The following CDH13 variants were observed in gnomAD, a reference collection of about 807,000 sequenced individuals.
CDH13 encodes cadherin 13.
A neutral mutation model predicts 63.8 loss-of-function variants in CDH13; 24 were observed. That is an observed-to-expected ratio of 0.38 (90% CI 0.27 to 0.53). The LOEUF is 0.53. CDH13 is among the 20% of genes least tolerant of loss of function. The probability of loss-of-function intolerance (pLI) is 0.85; values close to 1 mark genes in which losing one functional copy is unlikely to be tolerated. For synonymous variants in CDH13, 503 were observed against 355.3 expected (o/e 1.42, Z -4.67); for missense variants, 1,049 against 903.1 (o/e 1.16, Z -2.07).
chr16:82,915,748 G>C (rs2041966492), intron 2 of CDH13, among the ~76,000 whole-genome samples: 1 of 151,510 alleles, frequency 6.6e-6, no homozygotes, highest in South Asian at 2.1e-4. Flanking sequence ...TCCTTGTAAA[G>C]CTGATTCTTC....
chr16:82,679,937 C>T (rs972179827), intron 1 of CDH13, among the ~76,000 whole-genome samples: 5 of 152,140 alleles, frequency 3.3e-5, no homozygotes, highest in African/African-American at 1.2e-4. Flanking sequence ...CCACAGGAAA[C>T]CTTCAGTATA....
intron 2 of CDH13, among the ~76,000 whole-genome samples, chr16:82,984,648 A>G (rs1369394558): frequency 1.3e-5 from 2 of 152,212 alleles, no homozygotes; most frequent in Non-Finnish European, 2.9e-5. Context: ...AGGTTCAGCT[A>G]TGATTCCCGC....
At chr16:82,635,339 C>G (rs955515238) in intron 1 of CDH13, among the ~76,000 whole-genome samples, 7 of 152,192 alleles carry the variant, frequency 4.6e-5, no homozygotes, top group African/African-American at 1.4e-4. Context: ...GTAGGGCTTA[C>G]AGACAAAGAC....
intron 3 of CDH13, among the ~76,000 whole-genome samples, chr16:83,110,932 C>G (rs72798368): frequency 0.11 from 14,958 of 142,248 alleles, 860 homozygotes; most frequent in African/African-American, 0.16. Flanking sequence ...ATGCCTGGTC[C>G]GTGGAAAATG....
chr16:83,557,677 G>A (rs2075630658), intron 7 of CDH13, among the ~76,000 whole-genome samples: 1 of 152,106 alleles, frequency 6.6e-6, no homozygotes, highest in South Asian at 2.1e-4. Context: ...ACTGGGAGGT[G>A]TCTCAGCAGG....
intron 3 of CDH13, among the ~76,000 whole-genome samples, chr16:83,121,157 C>G (rs1209754265): frequency 6.6e-6 from 1 of 152,172 alleles, no homozygotes; most frequent in African/African-American, 2.4e-5. Context: ...CTGTCTTATA[C>G]AGAATCTAGT....
At chr16:83,588,064 G>A (rs186634960) in intron 7 of CDH13, among the ~76,000 whole-genome samples, 292 of 152,174 alleles carry the variant, frequency 1.9e-3, no homozygotes, top group Non-Finnish European at 3.1e-3. Context: ...GCTGGCCTAG[G>A]GCTGAGCCTG....
chr16:82,797,799 G>GTGTGTGTGTC (rs2036660725), intron 1 of CDH13, among the ~76,000 whole-genome samples: 1 of 151,396 alleles, frequency 6.6e-6, no homozygotes, highest in Non-Finnish European at 1.5e-5. Context: ...GTGTGTGTGT[G>GTGTGTGTGTC]TGTGTGTGTA....
chr16:83,418,524 T>G (rs1333970343), intron 6 of CDH13, among the ~76,000 whole-genome samples: 1 of 152,110 alleles, frequency 6.6e-6, no homozygotes, highest in Non-Finnish European at 1.5e-5. Context: ...GACAATATAG[T>G]GAGGGTATGA....
At chr16:83,110,564 G>A (rs1412994590) in intron 3 of CDH13, among the ~76,000 whole-genome samples, 2 of 152,170 alleles carry the variant, frequency 1.3e-5, no homozygotes, top group African/African-American at 2.4e-5. Flanking sequence ...CTCAGTCACC[G>A]ATCATGCTGC....
chr16:83,206,137 C>G (rs1295198869), intron 4 of CDH13, among the ~76,000 whole-genome samples: 2 of 152,134 alleles, frequency 1.3e-5, no homozygotes, highest in East Asian at 1.9e-4. Flanking sequence ...TTTACCTCAA[C>G]CAGGGGAGGA....
intron 10 of CDH13, among the ~76,000 whole-genome samples, chr16:83,694,679 A>C (rs1905208687): frequency 6.6e-6 from 1 of 152,212 alleles, no homozygotes; most frequent in African/African-American, 2.4e-5. Flanking sequence ...AAATCTCTGC[A>C]GGGCATGAAG....
intron 8 of CDH13, among the ~76,000 whole-genome samples, chr16:83,607,854 T>C (rs1334893348): frequency 6.6e-6 from 1 of 152,240 alleles, no homozygotes; most frequent in Non-Finnish European, 1.5e-5. Flanking sequence ...CTTTGAAATA[T>C]ACATGAAAAC....
At chr16:83,186,079 CTTTTTATTTTATTTTATTTT>C (rs2038509567) in intron 4 of CDH13, among the ~76,000 whole-genome samples, 1 of 135,074 alleles carries the variant, frequency 7.4e-6, no homozygotes, top group African/African-American at 2.6e-5. Context: ...TTAAAGGCAT[CTTTTTATTTTATTTTATTTT>C]ATTTTATTTT....
chr16:83,612,935 T>A (rs1039421160), intron 8 of CDH13, among the ~76,000 whole-genome samples: 15 of 152,186 alleles, frequency 9.9e-5, no homozygotes, highest in Non-Finnish European at 1.9e-4. Flanking sequence ...CATGGAAGAA[T>A]TTTCCCCTCT....
chr16:83,514,770 C>A (rs1296384269), intron 7 of CDH13, among the ~76,000 whole-genome samples: 1 of 152,166 alleles, frequency 6.6e-6, no homozygotes, highest in Non-Finnish European at 1.5e-5. Context: ...CCACGGGTCA[C>A]CAGCAAACAA....
chr16:83,713,289 TTACTC>T (rs2150925811), intron 10 of CDH13, among the ~76,000 whole-genome samples: 1 of 152,294 alleles, frequency 6.6e-6, no homozygotes, highest in South Asian at 2.1e-4. Flanking sequence ...CCAGAAATGG[TTACTC>T]CACCAGGGAG....
At chr16:83,709,271 A>G (rs1907637275) in intron 10 of CDH13, among the ~76,000 whole-genome samples, 1 of 152,226 alleles carries the variant, frequency 6.6e-6, no homozygotes, top group Non-Finnish European at 1.5e-5. Context: ...TTGTGGGACT[A>G]TAAGAATAAA....
intron 2 of CDH13, among the ~76,000 whole-genome samples, chr16:83,025,305 A>G (rs1163316584): frequency 3.3e-5 from 5 of 152,226 alleles, no homozygotes; most frequent in African/African-American, 1.2e-4. Flanking sequence ...CATGCTACTA[A>G]TAAAGACATA....
Sources: allele counts gnomAD v4.1 joint callset (sites outside exome capture counted in the v4.1 genomes callset), GRCh38; gene constraint gnomAD v4.1.1; transcripts MANE v1.5; gene names NCBI Gene and HGNC (gene_info 2026-07-23, HGNC 2026-07-21).